Variants in ABHD2 observed in about 807,000 individuals in gnomAD.
ABHD2 encodes monoacylglycerol lipase ABHD2.
Under a neutral mutation model 48.1 loss-of-function variants are expected in ABHD2, and 20 were observed. The ratio of observed to expected loss-of-function variants is 0.42; its 90% confidence interval spans 0.29 to 0.60. The LOEUF (loss-of-function observed/expected upper bound fraction) is 0.60. Ranked by LOEUF, ABHD2 falls within the 20% of genes least tolerant of loss-of-function variation. ABHD2 has a pLI of 0.24. For synonymous variants in ABHD2, 209 were observed against 214.2 expected (o/e 0.98, Z 0.21); for missense variants, 405 against 550.9 (o/e 0.74, Z 2.65).
the ABHD2 span, among the ~76,000 whole-genome samples, chr15:89,071,155 C>T: frequency 3.3e-5 from 5 of 152,136 alleles, no homozygotes; most frequent in South Asian, 1.0e-3. Flanking sequence ...CACGGTGGCT[C>T]ACACCTGTGA....
the ABHD2 span, among the ~76,000 whole-genome samples, chr15:89,077,415 T>G: frequency 6.6e-6 from 1 of 152,244 alleles, no homozygotes; most frequent in African/African-American, 2.4e-5. Flanking sequence ...GTTTACAATC[T>G]TAAGCTATTA....
chr15:89,065,955 C>T, the ABHD2 span, among the ~76,000 whole-genome samples: 1 of 152,126 alleles, frequency 6.6e-6, no homozygotes, highest in Non-Finnish European at 1.5e-5. Context: ...CTGAAGAGTA[C>T]ATTTTATTAC....
In ABHD2 at chr15:89,196,701, G is replaced by T. The variant is rs2051409024; in HGVS notation, c.*1278G>T. On this transcript the variant is annotated 3_prime_UTR_variant, in exon 11 of 11. Transcript: ENST00000352732. ...TTGATACCAAACAATTCAAAAGTTG[G>T]ATCTGAGTTTGGAGAAAGATATTTC... The T allele has an allele frequency of 6.6e-6, 1 of 152,186 alleles. No individual in the cohort carries two copies. 9.4% of individuals were successfully genotyped at this position (152,186 alleles called of 1,614,324 possible).
intron 1 of ABHD2, among the ~76,000 whole-genome samples, chr15:89,096,509 A>G (rs2049615695): frequency 6.6e-6 from 1 of 152,206 alleles, no homozygotes; most frequent in African/African-American, 2.4e-5. Context: ...CTGAGTTTGA[A>G]AGACCCCAGT....
rs2051001756 is a variant in ABHD2, at chr15:89,175,787, A to C, written c.539-25A>C. The C allele has an allele frequency of 6.2e-7, 1 of 1,613,378 alleles. No individual in the cohort carries two copies. Among genetic ancestry groups the C allele is most frequent in the African/African-American group, 1.3e-5 (1 of 74,872 alleles). ...AGATAGGATGCACCTGAAATGATTG[A>C]GCAATCTCACCCTTTTGCCCACAGG... On this transcript the variant is annotated intron_variant, in intron 5 of 10. Coordinates refer to ENST00000352732, the MANE Select transcript of ABHD2 (RefSeq NM_152924.5). This position sits in a 1 kb window ranked among gnomAD's most constrained non-coding sequence, Gnocchi z 5.7.
At chr15:89,194,390 G>C (rs148427125) in intron 10 of ABHD2, among the ~76,000 whole-genome samples, 1 of 152,070 alleles carries the variant, frequency 6.6e-6, no homozygotes. Context: ...AGAGGCTGAG[G>C]CATGAGAATC....
intron 4 of ABHD2, among the ~76,000 whole-genome samples, chr15:89,153,650 A>C (rs1473154112): frequency 6.6e-6 from 1 of 152,212 alleles, no homozygotes; most frequent in Non-Finnish European, 1.5e-5. Context: ...CCTAAGATGT[A>C]CTTTAAGAAA....
chr15:89,118,215 A>G (rs2049992760), intron 3 of ABHD2, among the ~76,000 whole-genome samples: 1 of 150,938 alleles, frequency 6.6e-6, no homozygotes, highest in Non-Finnish European at 1.5e-5. Flanking sequence ...ACAGAGTCTC[A>G]CTCTGTCACC....
In ABHD2 at chr15:89,088,753, C is replaced by G. The variant is rs550221413; in HGVS notation, c.-107+190C>G. Among the ~76,000 whole-genome samples the G allele has an allele frequency of 1.4e-4, 22 of 152,334 alleles. No individual in the cohort carries two copies. Among genetic ancestry groups the G allele is most frequent in the Non-Finnish European group, 7.4e-5 (5 of 68,024 alleles). ...TGGCTTGCCCAGTGGTGGGGACAGC[C>G]CAGATCGCGGCGGGGGATACGCCTT... On this transcript the variant is annotated intron_variant, in intron 1 of 10. Transcript: ENST00000352732. This position sits in a 1 kb window ranked among gnomAD's most constrained non-coding sequence, Gnocchi z 6.8.
chr15:89,127,724 T>TATGTATATATATATATATATAC (rs2050155508), intron 3 of ABHD2, among the ~76,000 whole-genome samples: 1 of 70,714 alleles, frequency 1.4e-5, no homozygotes, highest in African/African-American at 4.8e-5. Flanking sequence ...TATATACACA[T>TATGTATATATATATATATATAC]ATATATATAT....
chr15:89,057,290 T>G, the ABHD2 span, among the ~76,000 whole-genome samples: 1 of 152,154 alleles, frequency 6.6e-6, no homozygotes, highest in African/African-American at 2.4e-5. Context: ...GCATGTGAGT[T>G]CTGCTTGAGA....
intron 1 of ABHD2, among the ~76,000 whole-genome samples, chr15:89,089,980 T>G (rs1342130236): frequency 6.6e-6 from 1 of 152,162 alleles, no homozygotes; most frequent in Non-Finnish European, 1.5e-5. Flanking sequence ...GTCTCCTCAA[T>G]GCACAGGTGA....
In ABHD2 at chr15:89,196,402, C is replaced by G. The variant is rs2051403395; in HGVS notation, c.*979C>G. 6.6e-6 allele frequency: 1 copy of G among 152,160 alleles called. No individual in the cohort carries two copies. The highest frequency in any genetic ancestry group is 2.1e-4 in the South Asian group (1 of 4,826). 9.4% of individuals were successfully genotyped at this position (152,160 alleles called of 1,614,324 possible). A position where few individuals can be genotyped will look rare whatever the true frequency, so the allele number is the denominator to read the frequency against. On this transcript the variant is annotated 3_prime_UTR_variant, in exon 11 of 11. Coordinates refer to ENST00000352732, the MANE Select transcript of ABHD2 (RefSeq NM_152924.5). ...ACAAAGTCGCTGTGGACTTCAATTT[C>G]TTCACCTCTAAAATGGGGGACTTGG...
Position 89,105,402 on chromosome 15 carries a change from T to A in ABHD2, c.-106-8323T>A, listed in dbSNP as rs73467734. Among the ~76,000 whole-genome samples, 164 of 152,378 alleles carry A rather than the reference T, an allele frequency of 1.1e-3. 1 individual carries two copies. The highest frequency in any genetic ancestry group is 3.7e-3 in the African/African-American group (153 of 41,596). On this transcript the variant is annotated intron_variant, in intron 1 of 10. Coordinates refer to ENST00000352732, the MANE Select transcript of ABHD2 (RefSeq NM_152924.5). Reference sequence around the variant, plus strand: ...GGGTAACTTGACTCCCCCTGAGAACTTGTAGACTATTTTCTGAAATTCCAG... The same window carrying A: ...GGGTAACTTGACTCCCCCTGAGAACATGTAGACTATTTTCTGAAATTCCAG...
chr15:89,088,486 A>T lies in ABHD2; in HGVS notation c.-184A>T, dbSNP rs796114614. On this transcript the variant is annotated 5_prime_UTR_variant, in exon 1 of 11. The change abolishes an upstream ATG in the 5' untranslated region. Transcript: ENST00000352732. This position sits in a 1 kb window ranked among gnomAD's most constrained non-coding sequence, Gnocchi z 6.8. ...GGCCAGGGGTTCCGGCTGTATATCC[A>T]TGAGCGCCGCTGGCAGCCGGGGAGC... The T allele has an allele frequency of 1.9e-4, 29 of 152,798 alleles. No individual in the cohort carries two copies. Among genetic ancestry groups the T allele is most frequent in the African/African-American group, 4.1e-4 (17 of 41,578 alleles). 9.5% of individuals were successfully genotyped at this position (152,798 alleles called of 1,614,324 possible). A position where few individuals can be genotyped will look rare whatever the true frequency, so the allele number is the denominator to read the frequency against.
At chr15:89,163,599 C>G (rs570580123) in intron 5 of ABHD2, among the ~76,000 whole-genome samples, 5 of 152,322 alleles carry the variant, frequency 3.3e-5, no homozygotes, top group African/African-American at 1.2e-4. Context: ...ATTCTTAACC[C>G]TAACTTAATA....
intron 5 of ABHD2, among the ~76,000 whole-genome samples, chr15:89,160,637 A>G (rs1043653638): frequency 6.6e-6 from 1 of 152,146 alleles, no homozygotes; most frequent in Non-Finnish European, 1.5e-5. Flanking sequence ...ATTTCTGTCC[A>G]TACTATCCAT....
At chr15:89,051,832 G>T in the ABHD2 span, among the ~76,000 whole-genome samples, 1 of 152,128 alleles carries the variant, frequency 6.6e-6, no homozygotes, top group Non-Finnish European at 1.5e-5. Context: ...CCAGTCTCAG[G>T]TGTGTCTTTA....
the ABHD2 span, among the ~76,000 whole-genome samples, chr15:89,077,450 T>C: frequency 6.6e-6 from 1 of 152,212 alleles, no homozygotes; most frequent in Non-Finnish European, 1.5e-5. Context: ...GTGAATGTTA[T>C]TGTCCGTGTG....
Sources: gnomAD v4.1 joint callset for allele counts (sites outside exome capture counted in the v4.1 genomes callset) on GRCh38, gnomAD v4.1.1 for gene constraint, Gnocchi (gnomAD v3.1) non-coding constraint, MANE v1.5 for transcripts, NCBI Gene and HGNC (gene_info 2026-07-23, HGNC 2026-07-21) for gene names.